Variants in CREBBP observed in about 807,000 individuals in gnomAD.
CREBBP encodes CREB-binding protein.
A neutral mutation model predicts 265.0 loss-of-function variants in CREBBP; 19 were observed. The ratio of observed to expected loss-of-function variants is 0.07; its 90% CI spans 0.05 to 0.11. The LOEUF is 0.11. CREBBP is among the 10% of genes least tolerant of loss of function. The pLI is 1.00. For missense variants in CREBBP, 2,525 were observed against 3,219.0 expected (o/e 0.78, Z 5.22); for synonymous variants, 1,457 against 1,223.7 (o/e 1.19, Z -3.98).
intron 3 of CREBBP, among the ~76,000 whole-genome samples, chr16:3,797,796 G>A (rs928182509): frequency 2.0e-5 from 3 of 151,568 alleles, no homozygotes; most frequent in African/African-American, 7.3e-5. Context: ...AAATTCACAT[G>A]AACTAAAGTG....
chr16:3,847,985 A>G (rs2054703589), intron 2 of CREBBP, among the ~76,000 whole-genome samples: 1 of 152,102 alleles, frequency 6.6e-6, no homozygotes, highest in Non-Finnish European at 1.5e-5. Flanking sequence ...CTTGGCCAAC[A>G]TGGTGAAACT....
chr16:3,770,699 T>C lies in CREBBP; in HGVS notation c.2751A>G (p.Thr917=), dbSNP rs2141200532. The C allele has an allele frequency of 1.2e-6, 2 of 1,614,022 alleles. No individual in the cohort carries two copies. Among genetic ancestry groups the C allele is most frequent in the Non-Finnish European group, 1.7e-6 (2 of 1,179,982 alleles). The change falls in exon 14 of 31, where the codon ACA becomes ACG. Residue 917 remains threonine (T), a synonymous_variant. Coordinates refer to ENST00000262367, the MANE Select transcript of CREBBP (RefSeq NM_004380.3). ...CCTGGGCCTGGGCTGCTGCCTGGAC[T>C]GTAGGGGTGCTCTGGGTTTGGGTAG... The part of the protein sequence containing the change: ...PSATQTQSTP[T]VQAAAQAQVT...
intron 1 of CREBBP, among the ~76,000 whole-genome samples, chr16:3,874,581 A>G (rs1224142817): frequency 6.6e-6 from 1 of 152,236 alleles, no homozygotes; most frequent in African/African-American, 2.4e-5. Context: ...TGGCTCAGAA[A>G]GCCAAATGCG....
At chr16:3,871,324 G>C (rs1261059501) in intron 1 of CREBBP, among the ~76,000 whole-genome samples, 2 of 152,112 alleles carry the variant, frequency 1.3e-5, no homozygotes. Flanking sequence ...ACTCTGAGCA[G>C]GAGCCAGGGC....
At chr16:3,762,315 A>C (rs2052738633) in intron 16 of CREBBP, among the ~76,000 whole-genome samples, 1 of 150,114 alleles carries the variant, frequency 6.7e-6, no homozygotes, top group Non-Finnish European at 1.5e-5. Context: ...TTATTCATTC[A>C]TTAAATAACT....
intron 3 of CREBBP, 140 bp downstream of exon 3, chr16:3,810,463 A>G (rs1335600173): frequency 4.3e-6 from 4 of 920,692 alleles, no homozygotes; most frequent in Non-Finnish European, 7.1e-6. Context: ...TTAGAGAGCT[A>G]CTCATGAGAA....
intron 2 of CREBBP, 52 bp downstream of exon 2, chr16:3,850,245 G>A: frequency 6.3e-7 from 1 of 1,597,732 alleles, no homozygotes; most frequent in African/African-American, 1.3e-5. Flanking sequence ...ATTACTCGGA[G>A]GGAAAGCCCG....
At chr16:3,790,366 C>CTTTT (rs57582399) in intron 5 of CREBBP, among the ~76,000 whole-genome samples, 69 of 66,552 alleles carry the variant, frequency 1.0e-3, no homozygotes, top group African/African-American at 1.5e-3. Context: ...AGGAAACTGG[C>CTTTT]TTTTTTTTTT....
intron 2 of CREBBP, among the ~76,000 whole-genome samples, chr16:3,839,739 G>A (rs2054528869): frequency 7.2e-6 from 1 of 138,822 alleles, no homozygotes; most frequent in Non-Finnish European, 1.6e-5. Flanking sequence ...GGGGAGGGAA[G>A]GGAGGGAAGG....
At chr16:3,730,561 A>T (rs994203902) in intron 30 of CREBBP, 1 of 157,872 alleles carries the variant, frequency 6.3e-6, no homozygotes, top group African/African-American at 2.4e-5. Flanking sequence ...AACTAGAAAG[A>T]GGACAAAGGA....
At chr16:3,861,367 T>G (rs561933824) in intron 1 of CREBBP, among the ~76,000 whole-genome samples, 1 of 152,340 alleles carries the variant, frequency 6.6e-6, no homozygotes, top group South Asian at 2.1e-4. Flanking sequence ...AGCACTGAGC[T>G]TGGCATGCAG....
intron 19 of CREBBP, among the ~76,000 whole-genome samples, chr16:3,755,912 G>T: frequency 6.6e-6 from 1 of 152,006 alleles, no homozygotes; most frequent in Non-Finnish European, 1.5e-5. Flanking sequence ...AGCAGGCCAG[G>T]CTTATTCCTA....
At chr16:3,762,494 C>G (rs2052745293) in intron 16 of CREBBP, among the ~76,000 whole-genome samples, 1 of 149,150 alleles carries the variant, frequency 6.7e-6, no homozygotes, top group South Asian at 2.1e-4. Context: ...AGAGCATTTT[C>G]AGACTCCTGT....
At chr16:3,785,787 T>C (rs1363028015) in intron 5 of CREBBP, among the ~76,000 whole-genome samples, 1 of 152,226 alleles carries the variant, frequency 6.6e-6, no homozygotes. Context: ...ACATCTTTTT[T>C]CCTCGCTAGA....
chr16:3,878,295 A>C (rs750522498), intron 1 of CREBBP, among the ~76,000 whole-genome samples: 24 of 152,282 alleles, frequency 1.6e-4, no homozygotes, highest in Non-Finnish European at 2.9e-4. Flanking sequence ...AACGGCATTT[A>C]AACTACTGTT....
At chr16:3,877,823 T>C (rs749712827) in intron 1 of CREBBP, among the ~76,000 whole-genome samples, 9 of 152,276 alleles carry the variant, frequency 5.9e-5, no homozygotes, top group Non-Finnish European at 1.2e-4. Context: ...AAGTATGATG[T>C]TGACTTTCTA....
chr16:3,782,646 G>T, intron 6 of CREBBP, 38 bp downstream of exon 6: 1 of 1,612,102 alleles, frequency 6.2e-7, no homozygotes, highest in South Asian at 1.1e-5. Context: ...TGCTGCATGT[G>T]GACAAGTAAG....
intron 13 of CREBBP, among the ~76,000 whole-genome samples, chr16:3,772,198 T>C (rs1262987868): frequency 6.6e-6 from 1 of 151,666 alleles, no homozygotes; most frequent in Non-Finnish European, 1.5e-5. Context: ...TTTTTTTAAG[T>C]TGCTTCTTCC....
At chr16:3,792,851 A>G (rs963796056) in intron 4 of CREBBP, among the ~76,000 whole-genome samples, 1 of 152,156 alleles carries the variant, frequency 6.6e-6, no homozygotes, top group African/African-American at 2.4e-5. Flanking sequence ...CTAGTTCACC[A>G]CCCCCCCTGG....
Sources: gnomAD v4.1 joint callset for allele counts (sites outside exome capture counted in the v4.1 genomes callset) on GRCh38, gnomAD v4.1.1 for gene constraint, MANE v1.5 for transcripts, NCBI Gene and HGNC (gene_info 2026-07-23, HGNC 2026-07-21) for gene names.